The following STX8 variants were observed in gnomAD, a reference collection of about 807,000 sequenced individuals.
The protein encoded by STX8 is syntaxin 8, also known as syntaxin-8.
Under a neutral mutation model 37.5 loss-of-function variants are expected in STX8, and 23 were observed. That is an observed-to-expected ratio of 0.61 (90% confidence interval 0.44 to 0.87). The LOEUF is 0.87. STX8 is among the 40% of genes least tolerant of loss of function. STX8 has a pLI of 0.00. For synonymous variants in STX8, 115 were observed against 99.1 expected, an observed-to-expected ratio of 1.16 and a Z score of -0.95; for missense variants, 313 against 284.7, an observed-to-expected ratio of 1.10 and a Z score of -0.71.
chr17:9,526,312 G>A (rs573904159), intron 4 of STX8, among the ~76,000 whole-genome samples: 2 of 152,148 alleles, frequency 1.3e-5, no homozygotes, highest in African/African-American at 4.8e-5. Context: ...AAAAGTAATC[G>A]CTTGAGTTAT....
intron 6 of STX8, chr17:9,461,341 TG>T (rs1343708792): frequency 6.6e-6 from 1 of 151,938 alleles, no homozygotes; most frequent in East Asian, 1.9e-4. Flanking sequence ...GGTGAGAGGG[TG>T]GGCAACAGAA....
chr17:9,327,242 GAGGAGGA>G (rs770535259), intron 7 of STX8, among the ~76,000 whole-genome samples: 15 of 140,050 alleles, frequency 1.1e-4, no homozygotes, highest in South Asian at 2.1e-4. Flanking sequence ...AAGGAGGACA[GAGGAGGA>G]AGGAGGAAGG....
intron 4 of STX8, among the ~76,000 whole-genome samples, chr17:9,528,710 G>A (rs933016819): frequency 1.3e-5 from 2 of 151,742 alleles, no homozygotes; most frequent in Non-Finnish European, 2.9e-5. Context: ...AATACGGAAA[G>A]GGAAGAAAAT....
At chr17:9,562,469 T>C (rs1219776864) in intron 2 of STX8, among the ~76,000 whole-genome samples, 1 of 149,800 alleles carries the variant, frequency 6.7e-6, no homozygotes, top group East Asian at 2.0e-4. Context: ...TGTCAAATGA[T>C]AAAGGAAAGG....
chr17:9,574,642 C>A (rs540345170), intron 1 of STX8, among the ~76,000 whole-genome samples: 1 of 152,106 alleles, frequency 6.6e-6, no homozygotes, highest in South Asian at 2.1e-4. Flanking sequence ...TCAAGCGATT[C>A]TCCTGCCTCA....
intron 6 of STX8, among the ~76,000 whole-genome samples, chr17:9,420,778 A>T (rs1443080359): frequency 6.6e-6 from 1 of 152,148 alleles, no homozygotes; most frequent in African/African-American, 2.4e-5. Flanking sequence ...GGAAAATTCC[A>T]ATGGCTTATT....
intron 5 of STX8, among the ~76,000 whole-genome samples, chr17:9,497,756 T>A (rs1023368866): frequency 6.6e-6 from 1 of 152,226 alleles, no homozygotes; most frequent in Non-Finnish European, 1.5e-5. Flanking sequence ...TTGACATACA[T>A]GAGACTTCTT....
intron 6 of STX8, among the ~76,000 whole-genome samples, chr17:9,403,272 G>GACAACT (rs1372006811): frequency 6.6e-6 from 1 of 152,190 alleles, no homozygotes; most frequent in East Asian, 1.9e-4. Context: ...TATCGATAAA[G>GACAACT]ACAACTATGC....
At chr17:9,485,381 A>C (rs933636346) in intron 6 of STX8, among the ~76,000 whole-genome samples, 1 of 152,172 alleles carries the variant, frequency 6.6e-6, no homozygotes, top group Admixed American at 6.5e-5. Context: ...AGGAAAGCAT[A>C]GGGCCTGGCT....
In STX8 at chr17:9,401,274, T is replaced by C. The variant is rs1912608636; in HGVS notation, c.542-22621A>G. On this transcript the variant is annotated intron_variant, in intron 6 of 7. Coordinates refer to ENST00000306357, the MANE Select transcript of STX8 (RefSeq NM_004853.3). ...TATCTCAACAAAACAGACTAGCTTT[T>C]TATGAAATTCATAAACTTATGTTAT... 2.0e-5 allele frequency among the ~76,000 whole-genome samples: 3 copies of C among 152,362 alleles called. No individual in the cohort carries two copies. The South Asian group carries it at 6.2e-4, about 32-fold the overall frequency.
chr17:9,399,383 C>T (rs146490254), intron 6 of STX8, among the ~76,000 whole-genome samples: 66 of 152,278 alleles, frequency 4.3e-4, no homozygotes, highest in African/African-American at 1.4e-3. Context: ...TGAAGCTCAA[C>T]AAGGTTAAGT....
At chr17:9,402,110 ATTTAT>A (rs1912642821) in intron 6 of STX8, among the ~76,000 whole-genome samples, 1 of 151,130 alleles carries the variant, frequency 6.6e-6, no homozygotes, top group Admixed American at 6.6e-5. Context: ...TTATTTATTT[ATTTAT>A]TTATTTATTA....
At chr17:9,276,071 G>C (rs535587648) in intron 7 of STX8, among the ~76,000 whole-genome samples, 1 of 147,210 alleles carries the variant, frequency 6.8e-6, no homozygotes, top group Non-Finnish European at 1.5e-5. Flanking sequence ...GCTGAGGTGT[G>C]AGTCAAGGTG....
Position 9,460,689 on chromosome 17 carries a change from CAAAACA to C in STX8, c.541+31134_541+31139del, listed in dbSNP as rs1905346270. Among the ~76,000 whole-genome samples the C allele has an allele frequency of 3.1e-5, 3 of 97,692 alleles. 1 individual carries two copies. Among genetic ancestry groups the C allele is most frequent in the African/African-American group, 1.2e-4 (3 of 24,578 alleles). 64.1% of individuals were successfully genotyped at this position (97,692 alleles called of 152,430 possible). A position where few individuals can be genotyped will look rare whatever the true frequency, so the allele number is the denominator to read the frequency against. Reference sequence around the variant, plus strand: ...ACTCTGTCTCAAAAAAAAAAAAAAACAAAACAAAACTACTAAATTCACAACAACAAC... The same window carrying C: ...ACTCTGTCTCAAAAAAAAAAAAAAACAAACTACTAAATTCACAACAACAAC... On this transcript the variant is annotated intron_variant, in intron 6 of 7. Transcript: ENST00000306357.
At chr17:9,410,947 T>C (rs16958252) in intron 6 of STX8, among the ~76,000 whole-genome samples, 1,879 of 152,266 alleles carry the variant, frequency 0.012, 44 homozygotes, top group African/African-American at 0.043. Flanking sequence ...TCAACAAACA[T>C]TTACAATACA....
At chr17:9,538,882 C>T (rs1906164147) in intron 4 of STX8, among the ~76,000 whole-genome samples, 3 of 151,706 alleles carry the variant, frequency 2.0e-5, no homozygotes, top group Admixed American at 2.0e-4. Context: ...TTTCTCTTTA[C>T]AGGCAAAGAT....
At chr17:9,573,209 T>A (rs1295878276) in intron 1 of STX8, among the ~76,000 whole-genome samples, 2 of 151,178 alleles carry the variant, frequency 1.3e-5, no homozygotes, top group Non-Finnish European at 2.9e-5. Flanking sequence ...TTATATATCC[T>A]CTCCTCCTTT....
chr17:9,356,870 C>A (rs1910894886), intron 7 of STX8, among the ~76,000 whole-genome samples: 1 of 151,570 alleles, frequency 6.6e-6, no homozygotes, highest in South Asian at 2.1e-4. Context: ...TCTTTGCTCT[C>A]CTAGGCTTAA....
chr17:9,379,858 C>T (rs1353776192), intron 6 of STX8, among the ~76,000 whole-genome samples: 1 of 151,970 alleles, frequency 6.6e-6, no homozygotes, highest in Non-Finnish European at 1.5e-5. Flanking sequence ...ATCCTACCTA[C>T]TCGGGAGGCT....
Sources: allele counts gnomAD v4.1 joint callset (sites outside exome capture counted in the v4.1 genomes callset), GRCh38; gene constraint gnomAD v4.1.1; transcripts MANE v1.5; gene names NCBI Gene and HGNC (gene_info 2026-07-23, HGNC 2026-07-21).